LRRC69: variants seen among roughly 807,000 people sequenced by gnomAD.
LRRC69 encodes leucine-rich repeat-containing protein 69.
A neutral mutation model predicts 37.8 loss-of-function variants in LRRC69; 42 were observed. That is an observed-to-expected ratio of 1.11 (90% CI 0.87 to 1.44). The LOEUF (loss-of-function observed/expected upper bound fraction) is 1.44, where lower values mean the gene tolerates loss of function less well. Among genes scored for constraint, LRRC69 ranks in the 40% most tolerant of loss-of-function variants. The pLI, the probability that LRRC69 is intolerant of heterozygous loss-of-function variation, is 0.00. For missense variants in LRRC69, 357 were observed against 401.9 expected (o/e 0.89, Z 0.96); for synonymous variants, 141 against 143.1 (o/e 0.99, Z 0.11).
intron 7 of LRRC69, among the ~76,000 whole-genome samples, chr8:91,201,333 A>G (rs1439816789): frequency 2.0e-5 from 3 of 152,198 alleles, no homozygotes; most frequent in Non-Finnish European, 4.4e-5. Context: ...GCGGCCAGAT[A>G]GTAAATATTT....
At chr8:91,112,686 ATACT>A (rs1312727136) in intron 1 of LRRC69, among the ~76,000 whole-genome samples, 1 of 152,072 alleles carries the variant, frequency 6.6e-6, no homozygotes, top group African/African-American at 2.4e-5. Flanking sequence ...CAAGGAAAGA[ATACT>A]TACTTTCTCT....
At chr8:91,191,049 C>CA (rs978722830) in intron 6 of LRRC69, among the ~76,000 whole-genome samples, 5 of 144,972 alleles carry the variant, frequency 3.4e-5, no homozygotes, top group African/African-American at 5.0e-5. Context: ...AAACCCCCCC[C>CA]CCCCCAAGTC....
intron 5 of LRRC69, among the ~76,000 whole-genome samples, chr8:91,174,928 A>C (rs1809198247): frequency 6.6e-6 from 1 of 152,002 alleles, no homozygotes; most frequent in African/African-American, 2.4e-5. Flanking sequence ...TAAATGACTA[A>C]GGATTGGGAG....
intron 1 of LRRC69, among the ~76,000 whole-genome samples, chr8:91,115,480 G>A (rs1041095795): frequency 4.6e-5 from 7 of 151,984 alleles, no homozygotes; most frequent in Non-Finnish European, 8.8e-5. Context: ...TAAAGGTTCT[G>A]TGGAAAGAAA....
At chr8:91,169,216 A>G (rs1363338994) in intron 5 of LRRC69, among the ~76,000 whole-genome samples, 2 of 151,864 alleles carry the variant, frequency 1.3e-5, no homozygotes, top group African/African-American at 4.8e-5. Flanking sequence ...ATACACATGG[A>G]CCAAAATAGG....
intron 6 of LRRC69, among the ~76,000 whole-genome samples, chr8:91,195,927 T>C (rs550634752): frequency 6.6e-6 from 1 of 152,360 alleles, no homozygotes; most frequent in African/African-American, 2.4e-5. Flanking sequence ...TTGATGCAGT[T>C]TCTTCCTAGT....
At chr8:91,199,293 G>A (rs1199621691) in intron 6 of LRRC69, among the ~76,000 whole-genome samples, 1 of 152,212 alleles carries the variant, frequency 6.6e-6, no homozygotes, top group Non-Finnish European at 1.5e-5. Flanking sequence ...TAGTGTGAAA[G>A]CATGACCTCA....
chr8:91,212,514 A>G (rs1809949361), intron 7 of LRRC69, among the ~76,000 whole-genome samples: 2 of 152,222 alleles, frequency 1.3e-5, no homozygotes, highest in Non-Finnish European at 2.9e-5. Context: ...ATGAAAATAA[A>G]TGAAAATTTG....
intron 1 of LRRC69, among the ~76,000 whole-genome samples, chr8:91,120,285 C>A (rs1357192386): frequency 6.6e-6 from 1 of 152,074 alleles, no homozygotes; most frequent in Non-Finnish European, 1.5e-5. Flanking sequence ...CCCAAATTTT[C>A]CTTTTTAAAA....
At chr8:91,146,564 C>T (rs1243463170) in intron 5 of LRRC69, among the ~76,000 whole-genome samples, 1 of 151,640 alleles carries the variant, frequency 6.6e-6, no homozygotes, top group Non-Finnish European at 1.5e-5. Flanking sequence ...CAAGTAATCT[C>T]TATGGAGTTC....
chr8:91,211,614 A>G (rs62526739), intron 7 of LRRC69, among the ~76,000 whole-genome samples: 2 of 140,748 alleles, frequency 1.4e-5, no homozygotes, highest in South Asian at 4.3e-4. Flanking sequence ...ATATATATAT[A>G]TATTTTTTTT....
intron 5 of LRRC69, among the ~76,000 whole-genome samples, chr8:91,147,954 G>A (rs1808653151): frequency 6.6e-6 from 1 of 151,672 alleles, no homozygotes; most frequent in Non-Finnish European, 1.5e-5. Flanking sequence ...GTGAGAACAT[G>A]CGGTGTTTGG....
intron 5 of LRRC69, chr8:91,158,280 A>G (rs1046159375): frequency 3.3e-6 from 5 of 1,526,094 alleles, no homozygotes; most frequent in Non-Finnish European, 3.6e-6. Context: ...TGTCGAAGAC[A>G]TTACTTGAAA....
At chr8:91,167,792 TAGC>T (rs1809055637) in intron 5 of LRRC69, among the ~76,000 whole-genome samples, 1 of 151,906 alleles carries the variant, frequency 6.6e-6, no homozygotes, top group South Asian at 2.1e-4. Context: ...CCAGTGATAG[TAGC>T]CTTAGCACCA....
intron 5 of LRRC69, 125 bp from the exon 6 acceptor site, chr8:91,189,397 T>G: frequency 3.1e-6 from 2 of 644,948 alleles, no homozygotes; most frequent in Admixed American, 2.9e-5. Flanking sequence ...TAAATCCACA[T>G]TAGTATTTAC....
At chr8:91,168,314 A>T (rs2130576825) in intron 5 of LRRC69, among the ~76,000 whole-genome samples, 1 of 151,942 alleles carries the variant, frequency 6.6e-6, no homozygotes, top group African/African-American at 2.4e-5. Context: ...TATGTGATTG[A>T]TATACAAGAA....
intron 1 of LRRC69, among the ~76,000 whole-genome samples, chr8:91,117,166 T>C (rs35204946): frequency 0.053 from 8,005 of 152,008 alleles, 312 homozygotes; most frequent in Middle Eastern, 0.16. Context: ...ATATACTGGG[T>C]AGAGAAATTA....
intron 1 of LRRC69, among the ~76,000 whole-genome samples, chr8:91,121,712 T>C (rs1355736451): frequency 6.6e-6 from 1 of 152,130 alleles, no homozygotes; most frequent in African/African-American, 2.4e-5. Context: ...GCTTTCTTAC[T>C]GTGTAAGTGC....
At chr8:91,179,813 C>A (rs1255460701) in intron 5 of LRRC69, among the ~76,000 whole-genome samples, 1 of 152,074 alleles carries the variant, frequency 6.6e-6, no homozygotes. Context: ...TATGAAGGGA[C>A]TGAAAGACAA....
Sources: gnomAD v4.1 joint callset for allele counts (sites outside exome capture counted in the v4.1 genomes callset) on GRCh38, gnomAD v4.1.1 for gene constraint, MANE v1.5 for transcripts, NCBI Gene and HGNC (gene_info 2026-07-23, HGNC 2026-07-21) for gene names.